ZNF112: variants seen among roughly 807,000 people sequenced by gnomAD.
The protein encoded by ZNF112 is zinc finger protein 112 (Y14).
Under a neutral mutation model 77.7 loss-of-function variants are expected in ZNF112, and 37 were observed. That is an observed-to-expected ratio of 0.48 (90% CI 0.37 to 0.63). ZNF112 has a LOEUF of 0.63. Among genes scored for constraint, ZNF112 ranks in the 20% least tolerant of loss-of-function variants. ZNF112 has a pLI of 0.00. For missense variants in ZNF112, 950 were observed against 1,077.4 expected (o/e 0.88, Z 1.66); for synonymous variants, 333 against 363.6 (o/e 0.92, Z 0.96).
chr19:44,358,454 G>A (rs1193411509), upstream of ZNF112, among the ~76,000 whole-genome samples: 1 of 152,070 alleles, frequency 6.6e-6, no homozygotes, highest in Non-Finnish European at 1.5e-5. Flanking sequence ...CAAGATAATG[G>A]AGAAATGGTG....
At chr19:44,355,218 C>T (rs1449637670) in intron 1 of ZNF112, among the ~76,000 whole-genome samples, 1 of 152,050 alleles carries the variant, frequency 6.6e-6, no homozygotes, top group African/African-American at 2.4e-5. Context: ...AAAATAAAAG[C>T]TATGAAGCCT....
At chr19:44,365,226 G>A (rs1316240447) in intron 1 of ZNF112, among the ~76,000 whole-genome samples, 2 of 152,000 alleles carry the variant, frequency 1.3e-5, no homozygotes, top group Non-Finnish European at 2.9e-5. Flanking sequence ...GGCCAAGGTG[G>A]GTAGAGCACT....
intron 1 of ZNF112, among the ~76,000 whole-genome samples, chr19:44,355,551 G>GA (rs1392511761): frequency 2.6e-5 from 4 of 152,178 alleles, no homozygotes; most frequent in African/African-American, 9.7e-5. Context: ...TAAGGCAATG[G>GA]ATGGAAACTA....
chr19:44,353,920 GT>G (rs1194439093), intron 1 of ZNF112, among the ~76,000 whole-genome samples: 1 of 151,968 alleles, frequency 6.6e-6, no homozygotes, highest in Non-Finnish European at 1.5e-5. Context: ...GTACATGAAT[GT>G]TTATATCAGC....
chr19:44,345,187 G>T (rs1185324535), intron 1 of ZNF112, among the ~76,000 whole-genome samples: 1 of 152,136 alleles, frequency 6.6e-6, no homozygotes, highest in Non-Finnish European at 1.5e-5. Flanking sequence ...AATCCCCCAG[G>T]TGACTACAGT....
Position 44,327,455 on chromosome 19 carries a change from T to C in ZNF112, c.2702A>G (p.Asn901Ser), listed in dbSNP as rs778028009. 1.9e-6 allele frequency: 3 copies of C among 1,606,456 alleles called. No individual in the cohort carries two copies. The South Asian group carries it at 3.3e-5, about 18-fold the overall frequency. ...DYPSSENLHR[N>S]EDSVLF ...ACTTCAAAACAAAACAGAATCTTCA[T>C]TTCTGTGTAGATTCTCTGATGAAGG... The change falls in exon 4 of 4, where the codon AAT becomes AGT. Residue 901 changes from asparagine (N) to serine (S), a missense_variant. By Grantham distance (46) the Asn-to-Ser change is conservative. This residue lies in a region of ZNF112 where 373 missense variants were observed against 482.8 expected (regional missense o/e 0.77). Coordinates refer to ENST00000354340, the MANE Select transcript of ZNF112 (RefSeq NM_013380.4).
At chr19:44,356,153 CT>C (rs1439747643) in intron 1 of ZNF112, among the ~76,000 whole-genome samples, 2 of 152,312 alleles carry the variant, frequency 1.3e-5, no homozygotes, top group East Asian at 3.9e-4. Flanking sequence ...TTTCAGGGAA[CT>C]GAGTCCTTCT....
chr19:44,333,900 T>A (rs998967610), intron 3 of ZNF112, among the ~76,000 whole-genome samples: 6 of 152,158 alleles, frequency 3.9e-5, no homozygotes, highest in Non-Finnish European at 7.4e-5. Context: ...GGAAGTCACT[T>A]TGGAAACAGG....
In ZNF112 at chr19:44,342,545, G is replaced by A. The variant is rs553342798; in HGVS notation, c.-3-2003C>T. 1.4e-4 allele frequency among the ~76,000 whole-genome samples: 22 copies of A among 152,252 alleles called. No homozygotes were observed. In the South Asian group the frequency reaches 1.5e-3, roughly 10 times the overall value. ...TAATTTAAAGAAAAGGGCCGGGCAC[G>A]GTGGCTCACGCCTGTAATCCCAGCA... On this transcript the variant is annotated intron_variant, in intron 1 of 3. Coordinates refer to ENST00000354340, the MANE Select transcript of ZNF112 (RefSeq NM_013380.4).
intron 1 of ZNF112, among the ~76,000 whole-genome samples, chr19:44,347,485 A>ACTTTTT (rs1555804139): frequency 1.1e-3 from 43 of 40,318 alleles, no homozygotes; most frequent in African/African-American, 2.9e-3. Context: ...TTTTGGGTTG[A>ACTTTTT]TTTTTTTTTT....
At chr19:44,362,788 A>G (rs2722743) in intron 1 of ZNF112, among the ~76,000 whole-genome samples, 60,387 of 151,898 alleles carry the variant, frequency 0.4, 14,566 homozygotes, top group East Asian at 0.57. Flanking sequence ...TATATCCCCC[A>G]CTACCCACTC....
chr19:44,358,943 T>A (rs1194833520), upstream of ZNF112, among the ~76,000 whole-genome samples: 2 of 152,182 alleles, frequency 1.3e-5, no homozygotes, highest in Non-Finnish European at 2.9e-5. Flanking sequence ...GGAGATATAC[T>A]ATATCCTGTG....
intron 1 of ZNF112, among the ~76,000 whole-genome samples, 188 bp downstream of exon 1, chr19:44,356,438 C>A (rs1970787661): frequency 6.6e-6 from 1 of 152,146 alleles, no homozygotes; most frequent in South Asian, 2.1e-4. Context: ...CTTGGACCCC[C>A]GGCGCTAAGT....
intron 1 of ZNF112, among the ~76,000 whole-genome samples, chr19:44,364,564 A>G (rs904538026): frequency 1.3e-5 from 2 of 152,186 alleles, no homozygotes; most frequent in Admixed American, 6.5e-5. Flanking sequence ...TCTGTCATCT[A>G]GATCTTCAAG....
At chr19:44,348,669 A>T (rs1277372037) in intron 1 of ZNF112, among the ~76,000 whole-genome samples, 1 of 152,156 alleles carries the variant, frequency 6.6e-6, no homozygotes, top group Non-Finnish European at 1.5e-5. Flanking sequence ...GAAATTAGTC[A>T]CAAAAGAAAT....
At chr19:44,345,687 TAA>T (rs1267874287) in intron 1 of ZNF112, among the ~76,000 whole-genome samples, 1 of 152,214 alleles carries the variant, frequency 6.6e-6, no homozygotes, top group Non-Finnish European at 1.5e-5. Context: ...GCCTTTGGGA[TAA>T]AGTCTAGATT....
chr19:44,355,483 G>A (rs1394729854), intron 1 of ZNF112, among the ~76,000 whole-genome samples: 1 of 151,832 alleles, frequency 6.6e-6, no homozygotes, highest in Non-Finnish European at 1.5e-5. Context: ...TTGCTTTCAC[G>A]GTCCTCTAGT....
chr19:44,326,962 A>C lies in ZNF112; in HGVS notation c.*471T>G, dbSNP rs1970133456. ...ATATTTACTTGAAATGATTTTATTA[A>C]GATTACTTGCAGGATTTCTCCTCCA... is the stretch of plus-strand genomic sequence containing the variant. On this transcript the variant is annotated 3_prime_UTR_variant, in exon 4 of 4. Transcript: ENST00000354340. 1.3e-5 allele frequency: 2 copies of C among 154,606 alleles called. No homozygotes were observed. Among genetic ancestry groups the C allele is most frequent in the South Asian group, 2.0e-4 (1 of 5,004 alleles). The allele number at this position is 154,606 out of a possible 1,614,324, so 9.6% of individuals were successfully genotyped here.
At position 44,327,281 on chromosome 19, in the gene ZNF112, A is replaced by T; in HGVS notation, c.*152T>A. On this transcript the variant is annotated 3_prime_UTR_variant, in exon 4 of 4. Transcript: ENST00000354340. ...TAAAGTTCTAACAAAATCCCTCGTGAAACCCCTCTCATTAAATGTCTCTGT... is the reference window on the plus strand; with the variant it reads ...TAAAGTTCTAACAAAATCCCTCGTGTAACCCCTCTCATTAAATGTCTCTGT... 1 of 623,464 alleles carries T rather than the reference A, an allele frequency of 1.6e-6. No homozygotes were observed. Among genetic ancestry groups the T allele is most frequent in the Non-Finnish European group, 2.7e-6 (1 of 368,142 alleles). 38.6% of individuals were successfully genotyped at this position (623,464 alleles called of 1,614,324 possible).
Sources: gnomAD v4.1 joint callset for allele counts (sites outside exome capture counted in the v4.1 genomes callset) on GRCh38, gnomAD v4.1.1 for gene constraint, gnomAD v4.1.1 regional missense constraint, MANE v1.5 for transcripts, NCBI Gene and HGNC (gene_info 2026-07-23, HGNC 2026-07-21) for gene names.